The following SPTB variants were observed in gnomAD, a reference collection of about 807,000 sequenced individuals.
The protein encoded by SPTB is spectrin beta chain, erythrocytic.
In SPTB, 45 loss-of-function variants were observed where a neutral mutation model predicts 256.2. The ratio of observed to expected loss-of-function variants is 0.18; its 90% CI spans 0.14 to 0.23. The LOEUF (loss-of-function observed/expected upper bound fraction) is 0.23, where lower values mean the gene tolerates loss of function less well. SPTB is among the 10% of genes least tolerant of loss of function. The pLI, the probability that SPTB is intolerant of heterozygous loss-of-function variation, is 1.00. For synonymous variants in SPTB, 1,231 were observed against 1,243.1 expected, an observed-to-expected ratio of 0.99 and a Z score of 0.21; for missense variants, 2,715 against 3,040.4, an observed-to-expected ratio of 0.89 and a Z score of 2.52.
At chr14:64,781,389 C>T (rs1171171527) in intron 20 of SPTB, among the ~76,000 whole-genome samples, 1 of 152,018 alleles carries the variant, frequency 6.6e-6, no homozygotes, top group Admixed American at 6.6e-5. Context: ...ACAAACAATG[C>T]CATTAAAAAG....
At chr14:64,751,337 C>G (rs895827145) in intron 33 of SPTB, among the ~76,000 whole-genome samples, 2 of 152,002 alleles carry the variant, frequency 1.3e-5, no homozygotes, top group Non-Finnish European at 2.9e-5. Flanking sequence ...CCAGGCTGGT[C>G]TCAAACTCCT....
chr14:64,782,095 A>G (rs991799993), intron 20 of SPTB, among the ~76,000 whole-genome samples, 195 bp downstream of exon 20: 2 of 152,196 alleles, frequency 1.3e-5, no homozygotes, highest in African/African-American at 2.4e-5. Context: ...AGGAGCAGAA[A>G]AGATAACTAT....
At chr14:64,788,141 G>A (rs1295368538) in intron 15 of SPTB, among the ~76,000 whole-genome samples, 3 of 152,320 alleles carry the variant, frequency 2.0e-5, no homozygotes, top group African/African-American at 7.2e-5. Flanking sequence ...GAGGATTAAG[G>A]CAGCTGGAAG....
At chr14:64,750,707 C>T (rs966295878) in intron 33 of SPTB, among the ~76,000 whole-genome samples, 2 of 151,226 alleles carry the variant, frequency 1.3e-5, no homozygotes, top group African/African-American at 2.4e-5. Flanking sequence ...ACCCGGGAGG[C>T]GAAGCTTGTA....
chr14:64,746,720 T>C lies in SPTB; in HGVS notation c.*2586A>G, dbSNP rs1418184478. On this transcript the variant is annotated 3_prime_UTR_variant, in exon 36 of 36. Coordinates refer to ENST00000644917, the MANE Select transcript of SPTB (RefSeq NM_001355436.2). This position sits in a 1 kb window ranked among gnomAD's most constrained non-coding sequence, Gnocchi z 4.9. ...CACACCTCCCACAGCCAGAGTCAGT[T>C]GAGGCTGGGACAAAGGGGAAGGAGA... is the stretch of plus-strand genomic sequence containing the variant. 4 of 152,458 alleles carry C rather than the reference T, an allele frequency of 2.6e-5. No homozygotes were observed. The highest frequency in any genetic ancestry group is 9.7e-5 in the African/African-American group (4 of 41,406). The allele number at this position is 152,458 out of a possible 1,614,324, so 9.4% of individuals were successfully genotyped here. A position where few individuals can be genotyped will look rare whatever the true frequency, so the allele number is the denominator to read the frequency against.
Position 64,758,421 on chromosome 14 carries a change from T to C in SPTB, c.6346-4628A>G, listed in dbSNP as rs1380355241. On this transcript the variant is annotated intron_variant, in intron 32 of 35. Transcript: ENST00000644917. The surrounding 1 kb of genome is among the most constrained non-coding windows in gnomAD (Gnocchi z 4.6). ...AGGAGGGCCTGAGGCCCCACCCCTT[T>C]AGGGTAGTGCAGAAGTGGCCTGAGG... Among the ~76,000 whole-genome samples, 5 of 152,072 alleles carry C rather than the reference T, an allele frequency of 3.3e-5. No individual in the cohort carries two copies. Among genetic ancestry groups the C allele is most frequent in the Non-Finnish European group, 7.4e-5 (5 of 68,000 alleles).
Position 64,796,912 on chromosome 14 carries a change from C to T in SPTB, c.1183-197G>A, listed in dbSNP as rs372209972. Reference sequence around the variant, plus strand: ...CTGGGCCCATCAAAGATTCAGAGGGCACTGCTCATGAGTCTCACTTCCCTC... The same window carrying T: ...CTGGGCCCATCAAAGATTCAGAGGGTACTGCTCATGAGTCTCACTTCCCTC... On this transcript the variant is annotated intron_variant, in intron 10 of 35. Coordinates refer to ENST00000644917, the MANE Select transcript of SPTB (RefSeq NM_001355436.2). The surrounding 1 kb of genome is among the most constrained non-coding windows in gnomAD (Gnocchi z 4.1). Among the ~76,000 whole-genome samples the T allele has an allele frequency of 4.6e-5, 7 of 152,280 alleles. No individual in the cohort carries two copies. The East Asian group carries it at 1.2e-3, about 25-fold the overall frequency.
rs2083459351 is a variant in SPTB at position 64,831,991 on chromosome 14, G to GAAAAGGAAAATGGAAAT, written c.-51-8863_-51-8847dup. Among the ~76,000 whole-genome samples, 4 of 152,270 alleles carry GAAAAGGAAAATGGAAAT rather than the reference G, an allele frequency of 2.6e-5. No individual in the cohort carries two copies. The South Asian group carries it at 8.3e-4, about 32-fold the overall frequency. The stretch of plus-strand genomic sequence containing the variant: ...GTTTTTAGGTGGAGTGAAGGGAATA[G>GAAAAGGAAAATGGAAAT]AAAAGGAAAATGGAAATAAAAGGAA... On this transcript the variant is annotated intron_variant, in intron 1 of 35. Transcript: ENST00000644917.
intron 32 of SPTB, among the ~76,000 whole-genome samples, chr14:64,762,059 C>A (rs546002634): frequency 2.0e-5 from 3 of 152,082 alleles, no homozygotes; most frequent in Non-Finnish European, 4.4e-5. Flanking sequence ...TGCCCAGCAG[C>A]GGGCAGGTGT....
In SPTB at chr14:64,753,683, GA is replaced by G. The variant is rs768488051; in HGVS notation, c.6455del (p.Leu2152ProfsTer5). On this transcript the variant is annotated frameshift_variant, in exon 33 of 36. Transcript: ENST00000644917. LOFTEE classifies it high-confidence loss of function. ...TGDERPTTEP[L>X]FKVLDTPLSE... Reference sequence around the variant, plus strand: ...TCAGAGGCGTATCTAGGACCTTAAAGAGGGGCTCCGTGGTGGGCCTCTCATC... The same window carrying G: ...TCAGAGGCGTATCTAGGACCTTAAAGGGGGCTCCGTGGTGGGCCTCTCATC... 6.2e-7 allele frequency: 1 copy of G among 1,613,782 alleles called. No individual in the cohort carries two copies.
At position 64,823,747 on chromosome 14, in the gene SPTB, T is replaced by C. The variant is rs1196694670; in HGVS notation, c.-51-602A>G. ...CTTTCTGAGAGCCCTCTGAGTTCCT[T>C]CCCAGCAGTTGGTATTCAGAAAGCT... On this transcript the variant is annotated intron_variant, in intron 1 of 35. Transcript: ENST00000644917. This position sits in a 1 kb window ranked among gnomAD's most constrained non-coding sequence, Gnocchi z 6.5. Among the ~76,000 whole-genome samples, 1 of 152,146 alleles carries C rather than the reference T, an allele frequency of 6.6e-6. No homozygotes were observed. Among genetic ancestry groups the C allele is most frequent in the Non-Finnish European group, 1.5e-5 (1 of 68,018 alleles).
At chr14:64,815,578 G>C (rs1390609883) in intron 2 of SPTB, among the ~76,000 whole-genome samples, 3 of 152,212 alleles carry the variant, frequency 2.0e-5, no homozygotes, top group African/African-American at 7.2e-5. Context: ...CATGCAGGTG[G>C]TGGCTGCATA....
chr14:64,815,536 C>G (rs1219431951), intron 2 of SPTB, among the ~76,000 whole-genome samples: 1 of 152,196 alleles, frequency 6.6e-6, no homozygotes, highest in East Asian at 1.9e-4. Flanking sequence ...GAACACGAAG[C>G]AGCTGCACCA....
chr14:64,861,378 C>A, intron 1 of SPTB, among the ~76,000 whole-genome samples: 1 of 152,116 alleles, frequency 6.6e-6, no homozygotes. Flanking sequence ...TACACTCAAG[C>A]CTCATATAAG....
At chr14:64,808,165 A>T (rs1443069026) in intron 2 of SPTB, among the ~76,000 whole-genome samples, 1 of 152,162 alleles carries the variant, frequency 6.6e-6, no homozygotes, top group Non-Finnish European at 1.5e-5. Flanking sequence ...GGTGTGTGCC[A>T]CCACGCCTGG....
chr14:64,766,647 T>G (rs1566741384), intron 32 of SPTB, 79 bp downstream of exon 32: 1 of 1,612,642 alleles, frequency 6.2e-7, no homozygotes. Context: ...CGCCTCCACC[T>G]GGGCTGAGCC....
rs2082914425 is a variant in SPTB at position 64,802,937 on chromosome 14, C to T, written c.475-620G>A. On this transcript the variant is annotated intron_variant, in intron 4 of 35. Coordinates refer to ENST00000644917, the MANE Select transcript of SPTB (RefSeq NM_001355436.2). The surrounding 1 kb of genome is among the most constrained non-coding windows in gnomAD (Gnocchi z 5.1). ...TGAATGCTGATGAGTACTATACTTT[C>T]ATTAGCAGCTCCTCTTGCCTTTCCA... Among the ~76,000 whole-genome samples the T allele has an allele frequency of 6.6e-6, 1 of 152,236 alleles. No homozygotes were observed. Among genetic ancestry groups the T allele is most frequent in the Admixed American group, 6.5e-5 (1 of 15,292 alleles).
intron 31 of SPTB, among the ~76,000 whole-genome samples, chr14:64,767,053 G>A (rs936828145): frequency 6.6e-6 from 1 of 152,184 alleles, no homozygotes; most frequent in Non-Finnish European, 1.5e-5. Flanking sequence ...AGGTGGCTCC[G>A]AGGTGGGGCC....
chr14:64,844,621 A>G lies in SPTB; in HGVS notation c.-51-21476T>C, dbSNP rs1199204096. ...TGAATTGTCTCTAATGATAAATTTC[A>G]GCTTTGTTAATAACAGTCCAGCAAT... On this transcript the variant is annotated intron_variant, in intron 1 of 35. Transcript: ENST00000644917. This position sits in a 1 kb window ranked among gnomAD's most constrained non-coding sequence, Gnocchi z 4.1. 6.6e-6 allele frequency among the ~76,000 whole-genome samples: 1 copy of G among 152,240 alleles called. No individual in the cohort carries two copies. Among genetic ancestry groups the G allele is most frequent in the African/African-American group, 2.4e-5 (1 of 41,466 alleles).
Sources: allele counts gnomAD v4.1 joint callset (sites outside exome capture counted in the v4.1 genomes callset), GRCh38; gene constraint gnomAD v4.1.1; non-coding constraint Gnocchi (gnomAD v3.1); transcripts MANE v1.5; gene names NCBI Gene and HGNC (gene_info 2026-07-23, HGNC 2026-07-21).